Variants in CENPP observed in about 807,000 individuals in gnomAD.
The protein encoded by CENPP is centromere protein P.
CENPP carries 24 observed loss-of-function variants against 35.6 expected under a neutral mutation model. That is an observed-to-expected ratio of 0.67 (90% CI 0.49 to 0.95). The LOEUF (loss-of-function observed/expected upper bound fraction) is 0.95, where lower values mean the gene tolerates loss of function less well. Among genes scored for constraint, CENPP ranks in the 40% least tolerant of loss-of-function variants. The pLI is 0.00. For synonymous variants in CENPP, 120 were observed against 125.5 expected (o/e 0.96, Z 0.29); for missense variants, 332 against 345.3 (o/e 0.96, Z 0.31).
chr9:92,332,103 A>G, intron 1 of CENPP, 67 bp from the exon 2 acceptor site: 1 of 1,042,896 alleles, frequency 9.6e-7, no homozygotes, highest in South Asian at 1.9e-5. Flanking sequence ...GCTTTGAGGA[A>G]AATGGGGTTA....
chr9:92,443,129 A>G (rs1844463804), intron 5 of CENPP, among the ~76,000 whole-genome samples: 1 of 152,198 alleles, frequency 6.6e-6, no homozygotes, highest in South Asian at 2.1e-4. Flanking sequence ...ACTAACTTTA[A>G]TTACAGTAGA....
At chr9:92,569,461 C>T (rs1210638633) in intron 5 of CENPP, among the ~76,000 whole-genome samples, 5 of 152,182 alleles carry the variant, frequency 3.3e-5, no homozygotes, top group African/African-American at 9.7e-5. Context: ...AGTACCAGTA[C>T]CATGCTGTTT....
At chr9:92,563,309 A>T (rs920032503) in intron 5 of CENPP, among the ~76,000 whole-genome samples, 3 of 152,130 alleles carry the variant, frequency 2.0e-5, no homozygotes, top group Admixed American at 2.0e-4. Flanking sequence ...CTACACCAGG[A>T]CTCATTTCTC....
intron 5 of CENPP, among the ~76,000 whole-genome samples, chr9:92,553,408 T>A (rs1409726455): frequency 6.6e-6 from 1 of 152,220 alleles, no homozygotes; most frequent in Non-Finnish European, 1.5e-5. Flanking sequence ...TGGTTACATA[T>A]GAATTTTAGA....
chr9:92,612,380 CTG>C, intron 6 of CENPP, 141 bp from the exon 7 acceptor site: 1 of 665,358 alleles, frequency 1.5e-6, no homozygotes, highest in Non-Finnish European at 2.7e-6. Context: ...GTGCTACTGA[CTG>C]TGCCTCTTCT....
intron 5 of CENPP, among the ~76,000 whole-genome samples, chr9:92,428,725 A>G (rs1049592067): frequency 1.3e-5 from 2 of 152,020 alleles, no homozygotes; most frequent in East Asian, 1.9e-4. Flanking sequence ...ACTTGCTTCT[A>G]CTTGTTACTT....
chr9:92,586,796 C>T (rs1850551411), intron 5 of CENPP, among the ~76,000 whole-genome samples: 1 of 152,104 alleles, frequency 6.6e-6, no homozygotes, highest in African/African-American at 2.4e-5. Context: ...CACACACAAG[C>T]AGGAATACAG....
At chr9:92,391,826 T>G (rs556884201) in intron 5 of CENPP, among the ~76,000 whole-genome samples, 22 of 152,168 alleles carry the variant, frequency 1.4e-4, no homozygotes, top group Non-Finnish European at 2.6e-4. Flanking sequence ...AGAAAGCCCA[T>G]GAAAGCACAA....
At chr9:92,578,644 G>T (rs1226287281) in intron 5 of CENPP, among the ~76,000 whole-genome samples, 1 of 152,068 alleles carries the variant, frequency 6.6e-6, no homozygotes, top group Admixed American at 6.5e-5. Flanking sequence ...TTTTGATGGG[G>T]TTGTTTGTTT....
intron 3 of CENPP, among the ~76,000 whole-genome samples, chr9:92,345,255 C>CA (rs1841256905): frequency 6.9e-6 from 1 of 144,176 alleles, no homozygotes; most frequent in South Asian, 2.2e-4. Context: ...TGTCTCAAAA[C>CA]AAAAACAAAA....
intron 5 of CENPP, among the ~76,000 whole-genome samples, chr9:92,480,801 A>G (rs1011722082): frequency 6.6e-6 from 1 of 152,188 alleles, no homozygotes; most frequent in Non-Finnish European, 1.5e-5. Flanking sequence ...GTGATATAAC[A>G]TACTCCATAT....
At chr9:92,390,470 A>T (rs1026789434) in intron 5 of CENPP, among the ~76,000 whole-genome samples, 1 of 152,110 alleles carries the variant, frequency 6.6e-6, no homozygotes, top group Non-Finnish European at 1.5e-5. Context: ...ATGTTATCTT[A>T]ATCTTAATCT....
intron 5 of CENPP, among the ~76,000 whole-genome samples, chr9:92,519,049 C>T (rs968445451): frequency 6.6e-6 from 1 of 152,128 alleles, no homozygotes; most frequent in Non-Finnish European, 1.5e-5. Context: ...TGGTGTCATT[C>T]CAGATAACTT....
chr9:92,387,046 T>C (rs1403154011), intron 5 of CENPP, among the ~76,000 whole-genome samples: 3 of 95,396 alleles, frequency 3.1e-5, no homozygotes, highest in African/African-American at 1.3e-4. Flanking sequence ...AGACTCTGTC[T>C]CAAAAAGAAA....
chr9:92,451,695 G>A (rs1430521663), intron 5 of CENPP, among the ~76,000 whole-genome samples: 17 of 150,120 alleles, frequency 1.1e-4, no homozygotes, highest in East Asian at 5.9e-4. Context: ...GGGCAGTATG[G>A]CCATTTTCAC....
At chr9:92,444,680 C>T (rs1177477157) in intron 5 of CENPP, among the ~76,000 whole-genome samples, 2 of 152,146 alleles carry the variant, frequency 1.3e-5, no homozygotes, top group African/African-American at 2.4e-5. Context: ...TGTATTGTCC[C>T]AGCACCATTT....
intron 5 of CENPP, chr9:92,389,989 T>C: frequency 6.2e-7 from 1 of 1,611,266 alleles, no homozygotes; most frequent in African/African-American, 1.3e-5. Flanking sequence ...ACAGAGAAAG[T>C]TTTGAAAAAG....
At chr9:92,612,002 G>A (rs116024237) in intron 6 of CENPP, among the ~76,000 whole-genome samples, 1,868 of 152,312 alleles carry the variant, frequency 0.012, 37 homozygotes, top group African/African-American at 0.042. Flanking sequence ...CCAGGGTCAT[G>A]AGCAGCTGCA....
intron 5 of CENPP, among the ~76,000 whole-genome samples, chr9:92,477,748 G>A (rs1426505070): frequency 6.6e-6 from 1 of 151,908 alleles, no homozygotes; most frequent in African/African-American, 2.4e-5. Flanking sequence ...TAAAAAACCC[G>A]CAACTCCTAA....
Sources: allele counts gnomAD v4.1 joint callset (sites outside exome capture counted in the v4.1 genomes callset), GRCh38; gene constraint gnomAD v4.1.1; transcripts MANE v1.5; gene names NCBI Gene and HGNC (gene_info 2026-07-23, HGNC 2026-07-21).